RGS7: variants seen among roughly 807,000 people sequenced by gnomAD.
RGS7 encodes regulator of G protein signaling 7.
In RGS7, 27 loss-of-function variants were observed where a neutral mutation model predicts 81.1. The ratio of observed to expected loss-of-function variants is 0.33; its 90% CI spans 0.25 to 0.46. RGS7 has a LOEUF of 0.46. RGS7 is among the 20% of genes least tolerant of loss of function. The pLI is 1.00. For synonymous variants in RGS7, 208 were observed against 207.7 expected, an observed-to-expected ratio of 1.00 and a Z score of -0.01; for missense variants, 396 against 607.4, an observed-to-expected ratio of 0.65 and a Z score of 3.66.
chr1:240,819,278 GT>G (rs1377559759), intron 10 of RGS7, among the ~76,000 whole-genome samples: 1 of 152,084 alleles, frequency 6.6e-6, no homozygotes, highest in Non-Finnish European at 1.5e-5. Context: ...ATAGCTGATG[GT>G]TTTAACAGTA....
intron 3 of RGS7, among the ~76,000 whole-genome samples, chr1:240,994,739 G>A (rs1248345515): frequency 6.6e-6 from 1 of 151,830 alleles, no homozygotes; most frequent in Non-Finnish European, 1.5e-5. Context: ...CAATTTTAGA[G>A]GAAAACATTC....
At chr1:241,066,166 T>A (rs906311466) in intron 3 of RGS7, among the ~76,000 whole-genome samples, 1 of 152,240 alleles carries the variant, frequency 6.6e-6, no homozygotes, top group African/African-American at 2.4e-5. Context: ...TTTGATTTGA[T>A]ATCACTCCTA....
intron 18 of RGS7, among the ~76,000 whole-genome samples, chr1:240,795,043 G>T (rs539235506): frequency 6.6e-6 from 1 of 152,150 alleles, no homozygotes; most frequent in African/African-American, 2.4e-5. Flanking sequence ...AAATTAGCTG[G>T]GCCTGGTGGC....
intron 2 of RGS7, among the ~76,000 whole-genome samples, chr1:241,104,681 T>C (rs1487305050): frequency 6.6e-6 from 1 of 152,208 alleles, no homozygotes; most frequent in Non-Finnish European, 1.5e-5. Context: ...GTTAAACAAG[T>C]GTATTTTACA....
chr1:241,046,307 C>CA (rs1553399825), intron 3 of RGS7, among the ~76,000 whole-genome samples: 1 of 13,114 alleles, frequency 7.6e-5, no homozygotes, highest in African/African-American at 1.3e-4. Context: ...CCCTGACCCC[C>CA]CCCCCCTTTT....
chr1:241,317,359 G>T (rs369624395), intron 2 of RGS7, among the ~76,000 whole-genome samples: 1 of 152,186 alleles, frequency 6.6e-6, no homozygotes, highest in Non-Finnish European at 1.5e-5. Context: ...TTTAGCAATT[G>T]GCTCCTGTGA....
intron 3 of RGS7, among the ~76,000 whole-genome samples, chr1:240,988,338 T>G (rs979069418): frequency 8.6e-5 from 13 of 151,908 alleles, no homozygotes; most frequent in African/African-American, 2.4e-4. Context: ...CGGCAGAATT[T>G]CTTTAAATTA....
intron 4 of RGS7, among the ~76,000 whole-genome samples, chr1:240,959,431 A>G (rs1319993696): frequency 2.6e-5 from 4 of 152,204 alleles, no homozygotes; most frequent in African/African-American, 9.6e-5. Context: ...GACTGTACCG[A>G]ATACTGTAGG....
chr1:241,349,163 A>G (rs1293158705), intron 2 of RGS7, among the ~76,000 whole-genome samples: 6 of 152,196 alleles, frequency 3.9e-5, no homozygotes, highest in Non-Finnish European at 4.4e-5. Context: ...ATCACTTTAT[A>G]GATTAAAAAA....
chr1:240,881,919 CTT>C (rs5782168), intron 6 of RGS7, among the ~76,000 whole-genome samples: 53 of 145,880 alleles, frequency 3.6e-4, no homozygotes, highest in African/African-American at 1.2e-3. Context: ...CTATAAAAAT[CTT>C]TTTTTTTTTT....
intron 3 of RGS7, among the ~76,000 whole-genome samples, chr1:240,995,648 C>T (rs1402392971): frequency 6.7e-6 from 1 of 149,608 alleles, no homozygotes; most frequent in African/African-American, 2.4e-5. Flanking sequence ...CTTTAGATGT[C>T]TGCAGGTTTT....
At chr1:240,985,672 T>C (rs1448005228) in intron 3 of RGS7, among the ~76,000 whole-genome samples, 2 of 152,064 alleles carry the variant, frequency 1.3e-5, no homozygotes, top group African/African-American at 4.8e-5. Context: ...ATATTTATGG[T>C]TTTAGGTTAT....
At chr1:241,297,602 A>G (rs1377271441) in intron 2 of RGS7, among the ~76,000 whole-genome samples, 1 of 152,150 alleles carries the variant, frequency 6.6e-6, no homozygotes, top group African/African-American at 2.4e-5. Flanking sequence ...CAAAAACCCA[A>G]CAGTGTAATT....
intron 2 of RGS7, among the ~76,000 whole-genome samples, chr1:241,274,368 T>A (rs1315848659): frequency 2.6e-5 from 4 of 152,212 alleles, no homozygotes; most frequent in Non-Finnish European, 5.9e-5. Flanking sequence ...TGGTAAAAGA[T>A]TAGTTAAACC....
At chr1:240,841,162 A>C (rs1657903956) in intron 9 of RGS7, among the ~76,000 whole-genome samples, 1 of 152,242 alleles carries the variant, frequency 6.6e-6, no homozygotes. Context: ...TCAGTTGATA[A>C]GTGTAAATAG....
At chr1:240,836,894 G>T (rs778613866) in intron 9 of RGS7, among the ~76,000 whole-genome samples, 8 of 152,172 alleles carry the variant, frequency 5.3e-5, no homozygotes, top group Non-Finnish European at 1.2e-4. Flanking sequence ...ATTTTCTGTA[G>T]TCCTACCACA....
At chr1:240,946,267 T>G (rs1450102926) in intron 4 of RGS7, among the ~76,000 whole-genome samples, 1 of 152,106 alleles carries the variant, frequency 6.6e-6, no homozygotes, top group Non-Finnish European at 1.5e-5. Context: ...ATTTCACTAT[T>G]TTTTGTAATT....
chr1:240,901,046 C>T (rs957623015), intron 6 of RGS7, among the ~76,000 whole-genome samples: 9 of 152,210 alleles, frequency 5.9e-5, no homozygotes, highest in Non-Finnish European at 1.3e-4. Context: ...TCTCAGACTG[C>T]TGTGCTAGCA....
chr1:241,298,485 AG>A (rs950776705), intron 2 of RGS7, among the ~76,000 whole-genome samples: 1 of 152,200 alleles, frequency 6.6e-6, no homozygotes, highest in African/African-American at 2.4e-5. Context: ...CACTTCAGGA[AG>A]CCCTTCTCTA....
Sources: gnomAD v4.1 joint callset for allele counts (sites outside exome capture counted in the v4.1 genomes callset) on GRCh38, gnomAD v4.1.1 for gene constraint, MANE v1.5 for transcripts, NCBI Gene and HGNC (gene_info 2026-07-23, HGNC 2026-07-21) for gene names.